Variants in NFASC observed in about 807,000 individuals in gnomAD.
NFASC encodes neurofascin homolog.
In NFASC, 43 loss-of-function variants were observed where a neutral mutation model predicts 147.5. The observed-to-expected ratio is 0.29, with a 90% CI of 0.23 to 0.38. The LOEUF (loss-of-function observed/expected upper bound fraction) is 0.38, where lower values mean the gene tolerates loss of function less well. NFASC is among the 10% of genes least tolerant of loss of function. The pLI is 1.00. For synonymous variants in NFASC, 622 were observed against 665.5 expected (o/e 0.93, Z 1.01); for missense variants, 1,320 against 1,689.0 (o/e 0.78, Z 3.83).
At chr1:204,962,906 T>C (rs2094756596) in intron 8 of NFASC, among the ~76,000 whole-genome samples, 1 of 152,116 alleles carries the variant, frequency 6.6e-6, no homozygotes, top group African/African-American at 2.4e-5. Context: ...ATTAATAGGG[T>C]AATTGGCTAT....
chr1:205,014,397 T>A (rs2096308477), intron 29 of NFASC, among the ~76,000 whole-genome samples: 2 of 152,212 alleles, frequency 1.3e-5, no homozygotes, highest in Admixed American at 6.5e-5. Flanking sequence ...CTGAAATTAA[T>A]ACATCAGAGA....
intron 1 of NFASC, chr1:204,870,888 G>A (rs1302644237): frequency 8.3e-7 from 1 of 1,202,388 alleles, no homozygotes; most frequent in Non-Finnish European, 1.1e-6. Context: ...GGGCTGCTGT[G>A]TTTTCTCTGA....
chr1:204,923,042 A>C (rs555835134), intron 2 of NFASC, among the ~76,000 whole-genome samples: 2 of 152,326 alleles, frequency 1.3e-5, no homozygotes, highest in Admixed American at 1.3e-4. Flanking sequence ...AACTTGCCCA[A>C]AGCCCCCCAT....
chr1:204,972,455 G>C (rs190599118), intron 11 of NFASC, among the ~76,000 whole-genome samples: 1 of 152,288 alleles, frequency 6.6e-6, no homozygotes, highest in Admixed American at 6.5e-5. Context: ...ACAGAAGAAG[G>C]AAATGAGGCC....
intron 1 of NFASC, among the ~76,000 whole-genome samples, chr1:204,858,733 A>G (rs922474147): frequency 6.6e-6 from 1 of 151,890 alleles, no homozygotes; most frequent in Non-Finnish European, 1.5e-5. Context: ...CTTTTTGCGG[A>G]GTGGAGACTG....
intron 11 of NFASC, 137 bp from the exon 12 acceptor site, chr1:204,973,138 GA>G: frequency 1.2e-6 from 1 of 850,086 alleles, no homozygotes; most frequent in Non-Finnish European, 1.9e-6. Context: ...GGCAAGGCCA[GA>G]AGCCCTGTCA....
chr1:204,983,352 A>G (rs2095544900), intron 21 of NFASC, among the ~76,000 whole-genome samples: 2 of 152,178 alleles, frequency 1.3e-5, no homozygotes, highest in South Asian at 4.2e-4. Context: ...CAGGAAACAG[A>G]TGCATTCTCA....
At chr1:204,925,803 A>G (rs1166650631) in intron 2 of NFASC, among the ~76,000 whole-genome samples, 2 of 152,222 alleles carry the variant, frequency 1.3e-5, no homozygotes, top group Non-Finnish European at 2.9e-5. Flanking sequence ...GAGTGATGTC[A>G]TGAGCAGATG....
chr1:204,857,506 C>T (rs2076258589), intron 1 of NFASC, among the ~76,000 whole-genome samples: 1 of 152,212 alleles, frequency 6.6e-6, no homozygotes, highest in Non-Finnish European at 1.5e-5. Flanking sequence ...GGTTTCTGGG[C>T]TGGGCTGTCC....
chr1:204,857,148 T>A (rs1484138122), intron 1 of NFASC, among the ~76,000 whole-genome samples: 2 of 152,346 alleles, frequency 1.3e-5, no homozygotes, highest in African/African-American at 4.8e-5. Flanking sequence ...CCACCAGCAG[T>A]GCATGAGGGC....
At chr1:204,837,309 G>A (rs566720323) in intron 1 of NFASC, among the ~76,000 whole-genome samples, 3 of 152,308 alleles carry the variant, frequency 2.0e-5, no homozygotes, top group Admixed American at 1.3e-4. Context: ...TCAAAGATAA[G>A]AAAATGGCAT....
Position 204,979,326 on chromosome 1 carries a change from G to A in NFASC, c.1979-36G>A. Reference sequence around the variant, plus strand: ...TTTAAAGAAGACCACTGCTAACTGAGCTCCCGAAACAGCTCTGTTTTCCTT... The same window carrying A: ...TTTAAAGAAGACCACTGCTAACTGAACTCCCGAAACAGCTCTGTTTTCCTT... On this transcript the variant is annotated intron_variant, in intron 18 of 29. Coordinates refer to ENST00000339876, the MANE Select transcript of NFASC (RefSeq NM_001005388.3). This position sits in a 1 kb window ranked among gnomAD's most constrained non-coding sequence, Gnocchi z 6.0. The A allele has an allele frequency of 3.2e-6, 5 of 1,550,330 alleles. No individual in the cohort carries two copies. The highest frequency in any genetic ancestry group is 1.1e-5 in the South Asian group (1 of 89,840).
chr1:204,886,331 T>C (rs1486537279), intron 1 of NFASC, among the ~76,000 whole-genome samples: 1 of 152,266 alleles, frequency 6.6e-6, no homozygotes, highest in Non-Finnish European at 1.5e-5. Flanking sequence ...AATTTGCTAC[T>C]TTATATTTAC....
intron 2 of NFASC, among the ~76,000 whole-genome samples, chr1:204,929,162 C>G (rs550411956): frequency 6.6e-4 from 101 of 152,164 alleles, no homozygotes; most frequent in Non-Finnish European, 1.3e-3. Flanking sequence ...TTCCCTCCCC[C>G]ATCCCCCTGA....
chr1:204,950,507 C>T (rs755143430), intron 3 of NFASC, 50 bp from the exon 4 acceptor site: 10 of 1,584,548 alleles, frequency 6.3e-6, no homozygotes, highest in South Asian at 5.7e-5. Flanking sequence ...GTGTGCATAA[C>T]GATGTTCTTC....
At chr1:204,936,540 C>G (rs1305477119) in intron 2 of NFASC, among the ~76,000 whole-genome samples, 2 of 152,104 alleles carry the variant, frequency 1.3e-5, no homozygotes, top group Non-Finnish European at 2.9e-5. Flanking sequence ...CTGTCCTCAC[C>G]CCTCTGGGTA....
rs2094341282 is a variant in NFASC, at chr1:204,954,702, C to G, written c.413-127C>G. ...GTAGGCTCACGTGCCCCGTCCCTCT[C>G]TCTTGCTCCCTCCTTCTCCAGGTGC... On this transcript the variant is annotated intron_variant, in intron 6 of 29. Coordinates refer to ENST00000339876, the MANE Select transcript of NFASC (RefSeq NM_001005388.3). This position sits in a 1 kb window ranked among gnomAD's most constrained non-coding sequence, Gnocchi z 5.7. 2.1e-5 allele frequency: 25 copies of G among 1,179,860 alleles called. No homozygotes were observed. In the South Asian group the frequency reaches 3.4e-4, roughly 16 times the overall value. 73.1% of individuals were successfully genotyped at this position (1,179,860 alleles called of 1,614,324 possible). A position where few individuals can be genotyped will look rare whatever the true frequency, so the allele number is the denominator to read the frequency against.
At chr1:204,928,727 C>T (rs1163219645) in intron 2 of NFASC, among the ~76,000 whole-genome samples, 1 of 152,184 alleles carries the variant, frequency 6.6e-6, no homozygotes, top group Non-Finnish European at 1.5e-5. Context: ...GTCTCTGTGT[C>T]CAAGCTATAT....
At chr1:205,004,498 G>A (rs2096065574) in intron 27 of NFASC, among the ~76,000 whole-genome samples, 2 of 152,256 alleles carry the variant, frequency 1.3e-5, no homozygotes, top group African/African-American at 2.4e-5. Flanking sequence ...GGAGTGGGCA[G>A]GTTGATGAGC....
Sources: gnomAD v4.1 joint callset for allele counts (sites outside exome capture counted in the v4.1 genomes callset) on GRCh38, gnomAD v4.1.1 for gene constraint, Gnocchi (gnomAD v3.1) non-coding constraint, MANE v1.5 for transcripts, NCBI Gene and HGNC (gene_info 2026-07-23, HGNC 2026-07-21) for gene names.